The following AGAP3 variants were observed in gnomAD, a reference collection of about 807,000 sequenced individuals.
AGAP3 encodes the protein arf-GAP with GTPase, ANK repeat and PH domain-containing protein 3.
AGAP3 carries 24 observed loss-of-function variants against 96.9 expected under a neutral mutation model. That is an observed-to-expected ratio of 0.25 (90% CI 0.18 to 0.35). The LOEUF (loss-of-function observed/expected upper bound fraction) is 0.35. AGAP3 is among the 10% of genes least tolerant of loss of function. The probability of loss-of-function intolerance (pLI) is 1.00; values close to 1 mark genes in which losing one functional copy is unlikely to be tolerated. For synonymous variants in AGAP3, 563 were observed against 536.1 expected (o/e 1.05, Z -0.69); for missense variants, 876 against 1,254.2 (o/e 0.70, Z 4.55).
At position 151,096,623 on chromosome 7, in the gene AGAP3, C is replaced by G. The variant is rs1443795619; in HGVS notation, c.331+9551C>G. Among the ~76,000 whole-genome samples, 1 of 151,836 alleles carries G rather than the reference C, an allele frequency of 6.6e-6. No individual in the cohort carries two copies. The highest frequency in any genetic ancestry group is 1.9e-4 in the East Asian group (1 of 5,176). Reference sequence around the variant, plus strand: ...GAGTAGCTGGGACTACAGGTGCCCACCACCACGCCCGGCTTATTTTTTGTA... The same window carrying G: ...GAGTAGCTGGGACTACAGGTGCCCAGCACCACGCCCGGCTTATTTTTTGTA... On this transcript the variant is annotated intron_variant, in intron 1 of 17. Transcript: ENST00000397238. This position sits in a 1 kb window ranked among gnomAD's most constrained non-coding sequence, Gnocchi z 4.4.
chr7:151,137,826 G>T (rs551336240), intron 11 of AGAP3: 3 of 397,204 alleles, frequency 7.6e-6, no homozygotes, highest in African/African-American at 2.1e-5. Flanking sequence ...GGAGCACTGC[G>T]GCGATGGGTG....
Position 151,120,145 on chromosome 7 carries a change from G to C in AGAP3, c.1128G>C (p.Thr376=), listed in dbSNP as rs757071312. 1 of 1,599,406 alleles carries C rather than the reference G, an allele frequency of 6.3e-7. No homozygotes were observed. The highest frequency in any genetic ancestry group is 8.5e-7 in the Non-Finnish European group (1 of 1,170,690). ...CCAAGCGGCGCTCCAACATCTTCAC[G>C]GTACGTGACTGCCCTCCTCCCCCGC... The part of the protein sequence containing the change: ...KQSKRRSNIF[T]SRKGADLDRE... Residue 376 remains threonine (T), a splice_region_variant and synonymous_variant, in exon 8 of 18, where the codon ACG becomes ACC. Transcript: ENST00000397238.
Position 151,098,854 on chromosome 7 carries a change from C to T in AGAP3, c.331+11782C>T, listed in dbSNP as rs553049532. On this transcript the variant is annotated intron_variant, in intron 1 of 17. Coordinates refer to ENST00000397238, the MANE Select transcript of AGAP3 (RefSeq NM_031946.7). ...GTTCAATCAATTCCCCTGCCTTAGCCTCCCGAGTAGCTGGGATTACAGGTG... is the reference window on the plus strand; with the variant it reads ...GTTCAATCAATTCCCCTGCCTTAGCTTCCCGAGTAGCTGGGATTACAGGTG... 1.6e-3 allele frequency among the ~76,000 whole-genome samples: 234 copies of T among 150,866 alleles called. 7 individuals carry two copies. In the South Asian group the frequency reaches 0.048, roughly 31 times the overall value.
chr7:151,121,801 C>T (rs1011303396), intron 8 of AGAP3, among the ~76,000 whole-genome samples: 4 of 152,204 alleles, frequency 2.6e-5, no homozygotes, highest in Non-Finnish European at 4.4e-5. Context: ...GGCCTCAAGA[C>T]GCGTCCGTCT....
At chr7:151,092,424 C>T (rs1798435857) in intron 1 of AGAP3, among the ~76,000 whole-genome samples, 1 of 152,208 alleles carries the variant, frequency 6.6e-6, no homozygotes. Context: ...ATGCTTTCCT[C>T]CTGACCCCTA....
In AGAP3 at chr7:151,117,495, C is replaced by G. The variant is rs367961665; in HGVS notation, c.564+39C>G. ...CCAGGGTTAGGGCCCACCGCTGTGC[C>G]TGGAGCCCTTTCTCGAGCTTGCTGG... On this transcript the variant is annotated intron_variant, in intron 4 of 17. Transcript: ENST00000397238. 41 of 1,613,634 alleles carry G rather than the reference C, an allele frequency of 2.5e-5. 1 individual carries two copies. The South Asian group carries it at 3.7e-4, about 15-fold the overall frequency.
Position 151,123,795 on chromosome 7 carries a change from C to T in AGAP3, c.1130C>T (p.Ser377Phe). 2 of 1,613,148 alleles carry T rather than the reference C, an allele frequency of 1.2e-6. No individual in the cohort carries two copies. The highest frequency in any genetic ancestry group is 1.7e-6 in the Non-Finnish European group (2 of 1,179,878). Residue 377 changes from serine to phenylalanine, a missense_variant and splice_region_variant, in exon 9 of 18, where the codon TCT (serine) becomes TTT (phenylalanine). By Grantham distance (155) the Ser-to-Phe change is radical (BLOSUM62 -2). Around this residue, in one of 8 missense-constraint regions of AGAP3, gnomAD observed 100 missense variants for 129.4 expected, o/e 0.77. Transcript: ENST00000397238. The stretch of plus-strand genomic sequence containing the variant: ...CACGCCTCTTGTTTTCTCTTCCAGT[C>T]TCGGAAGGGTGCTGACCTGGACCGG... ...QSKRRSNIFT[S>F]RKGADLDREK... is the part of the protein sequence containing the mutation.
At chr7:151,115,867 C>G (rs935029931) in intron 1 of AGAP3, among the ~76,000 whole-genome samples, 1 of 152,204 alleles carries the variant, frequency 6.6e-6, no homozygotes, top group African/African-American at 2.4e-5. Flanking sequence ...AGGAGACTCA[C>G]CAGAGTCAGA....
intron 8 of AGAP3, chr7:151,123,043 A>G: frequency 7.6e-7 from 1 of 1,320,960 alleles, no homozygotes; most frequent in Non-Finnish European, 9.6e-7. Context: ...GCTCGGCCCC[A>G]CGCCCGGCGC....
At chr7:151,128,543 GC>G (rs771905113) in intron 9 of AGAP3, 36 bp from the exon 10 acceptor site, 10 of 1,585,062 alleles carry the variant, frequency 6.3e-6, no homozygotes, top group Non-Finnish European at 8.7e-6. Flanking sequence ...GACCTAGGGG[GC>G]TGGCTCCTGG....
chr7:151,087,344 TCCAGGC>T, intron 1 of AGAP3: 1 of 451,356 alleles, frequency 2.2e-6, no homozygotes. Context: ...ACCAGATCTG[TCCAGGC>T]CTGGCCGGGG....
At position 151,141,196 on chromosome 7, in the gene AGAP3, G is replaced by A. The variant is rs888178918; in HGVS notation, c.1805-702G>A. 4 of 152,666 alleles carry A rather than the reference G, an allele frequency of 2.6e-5. No individual in the cohort carries two copies. The South Asian group carries it at 6.2e-4, about 24-fold the overall frequency. The allele number at this position is 152,666 out of a possible 1,614,324, so 9.5% of individuals were successfully genotyped here. On this transcript the variant is annotated intron_variant, in intron 13 of 17. Transcript: ENST00000397238. This position sits in a 1 kb window ranked among gnomAD's most constrained non-coding sequence, Gnocchi z 4.2. Reference sequence around the variant, plus strand: ...TGACCATTGGGAATGAGATTCATGCGGCTGTCTTCTGGGGCCTGGGGGACC... The same window carrying A: ...TGACCATTGGGAATGAGATTCATGCAGCTGTCTTCTGGGGCCTGGGGGACC...
chr7:151,087,181 C>CAAG, intron 1 of AGAP3, 109 bp downstream of exon 1: 1 of 1,175,044 alleles, frequency 8.5e-7, no homozygotes, highest in Non-Finnish European at 1.2e-6. Context: ...GGGGTCCTTG[C>CAAG]GCGCTTGAGG....
intron 1 of AGAP3, 64 bp from the exon 2 acceptor site, chr7:151,116,729 A>G (rs1010945269): frequency 5.7e-6 from 9 of 1,585,670 alleles, no homozygotes; most frequent in Non-Finnish European, 7.8e-6. Context: ...TGACACAGGC[A>G]GCAGTGGTTG....
intron 8 of AGAP3, chr7:151,123,464 C>CA: frequency 8.6e-7 from 1 of 1,168,486 alleles, no homozygotes. Context: ...GTGCTCCCGA[C>CA]CAGCAGCCCC....
At chr7:151,124,979 GGAAAGCCAAGA>G (rs781610798) in intron 9 of AGAP3, among the ~76,000 whole-genome samples, 4 of 152,216 alleles carry the variant, frequency 2.6e-5, no homozygotes, top group Non-Finnish European at 5.9e-5. Context: ...AGGGCCCCCT[GGAAAGCCAAGA>G]GCACAGTGAC....
At chr7:151,105,676 A>T (rs1356784051) in intron 1 of AGAP3, among the ~76,000 whole-genome samples, 7 of 150,522 alleles carry the variant, frequency 4.7e-5, no homozygotes, top group African/African-American at 1.7e-4. Context: ...TGAGGTGGGA[A>T]GATCTCTTGA....
In AGAP3 at chr7:151,123,854, A is replaced by G. The variant is rs1261875494; in HGVS notation, c.1189A>G (p.Ile397Val). 10 of 1,611,472 alleles carry G rather than the reference A, an allele frequency of 6.2e-6. No homozygotes were observed. Among genetic ancestry groups the G allele is most frequent in the Non-Finnish European group, 7.6e-6 (9 of 1,179,908 alleles). ...GGCTGCCGAGTGCAAGGTGGACAGC[A>G]TCGGGAGCGGCCGCGCCATCCCCAT... ...KKAAECKVDS[I>V]GSGRAIPIKQ... The change falls in exon 9 of 18, where the codon ATC (isoleucine) becomes GTC (valine). Residue 397 changes from isoleucine (I) to valine (V), a missense_variant. Transcript: ENST00000397238.
In AGAP3 at chr7:151,144,275, G is replaced by A. The variant is rs1800935676; in HGVS notation, c.*332G>A. The A allele has an allele frequency of 2.9e-6, 1 of 347,692 alleles. No homozygotes were observed. The highest frequency in any genetic ancestry group is 5.3e-6 in the Non-Finnish European group (1 of 189,024). 21.5% of individuals were successfully genotyped at this position (347,692 alleles called of 1,614,324 possible). The stretch of plus-strand genomic sequence containing the variant: ...CCAGCCCCTCACACGCCTTCATCCT[G>A]AAACAGGAAGAGGACGGCACCAAGT... On this transcript the variant is annotated 3_prime_UTR_variant, in exon 18 of 18. Coordinates refer to ENST00000397238, the MANE Select transcript of AGAP3 (RefSeq NM_031946.7).
Sources: gnomAD v4.1 joint callset for allele counts (sites outside exome capture counted in the v4.1 genomes callset) on GRCh38, gnomAD v4.1.1 for gene constraint, gnomAD v4.1.1 regional missense constraint, Gnocchi (gnomAD v3.1) non-coding constraint, MANE v1.5 for transcripts, NCBI Gene and HGNC (gene_info 2026-07-23, HGNC 2026-07-21) for gene names.